Variants in MPRIP observed in about 807,000 individuals in gnomAD.
MPRIP encodes myosin phosphatase Rho-interacting protein.
MPRIP carries 59 observed loss-of-function variants against 234.9 expected under a neutral mutation model. The observed-to-expected ratio is 0.25, with a 90% CI of 0.20 to 0.31. The LOEUF (loss-of-function observed/expected upper bound fraction) is 0.31, where lower values mean the gene tolerates loss of function less well. MPRIP is among the 10% of genes least tolerant of loss of function. The probability of loss-of-function intolerance (pLI) is 1.00; values close to 1 mark genes in which losing one functional copy is unlikely to be tolerated. For missense variants in MPRIP, 2,436 were observed against 3,071.0 expected, an observed-to-expected ratio of 0.79 and a Z score of 4.89; for synonymous variants, 1,144 against 1,263.9, an observed-to-expected ratio of 0.91 and a Z score of 2.01.
intron 16 of MPRIP, chr17:17,169,248 G>T (rs967501186): frequency 1.7e-5 from 6 of 352,722 alleles, no homozygotes; most frequent in Non-Finnish European, 2.8e-5. Context: ...AAAGTTAATT[G>T]CACAAACCTT....
chr17:17,179,702 C>T (rs1010945617), intron 22 of MPRIP: 5 of 279,590 alleles, frequency 1.8e-5, no homozygotes, highest in Non-Finnish European at 3.4e-5. Flanking sequence ...AGGTCCCACA[C>T]CAGAGTGAGG....
At chr17:17,104,209 C>CTT (rs1179112814) in intron 3 of MPRIP, among the ~76,000 whole-genome samples, 1 of 152,198 alleles carries the variant, frequency 6.6e-6, no homozygotes, top group Non-Finnish European at 1.5e-5. Context: ...CCTAGAGAGT[C>CTT]TGAGTCGTCC....
intron 1 of MPRIP, among the ~76,000 whole-genome samples, chr17:17,071,505 C>G (rs540193296): frequency 6.6e-6 from 1 of 152,158 alleles, no homozygotes; most frequent in Non-Finnish European, 1.5e-5. Flanking sequence ...TTGTCTTATA[C>G]ATGATGGCCC....
chr17:17,181,514 T>A (rs746136348), intron 23 of MPRIP: 10 of 152,254 alleles, frequency 6.6e-5, no homozygotes, highest in Non-Finnish European at 1.0e-4. Flanking sequence ...AAGTCCCCTA[T>A]ACCCAAATAT....
chr17:17,113,014 C>A (rs1300938851), intron 3 of MPRIP, among the ~76,000 whole-genome samples: 2 of 152,240 alleles, frequency 1.3e-5, no homozygotes, highest in Non-Finnish European at 2.9e-5. Context: ...TGGGGTCTCA[C>A]TAGCTCCCAT....
intron 3 of MPRIP, among the ~76,000 whole-genome samples, chr17:17,106,445 A>T (rs1283150504): frequency 1.3e-5 from 2 of 152,154 alleles, no homozygotes; most frequent in African/African-American, 4.8e-5. Context: ...AGCCTCCACC[A>T]CTTCAGAGAG....
At chr17:17,173,052 A>G (rs184687854) in intron 18 of MPRIP, among the ~76,000 whole-genome samples, 1 of 152,368 alleles carries the variant, frequency 6.6e-6, no homozygotes, top group East Asian at 1.9e-4. Context: ...GTAACAAACG[A>G]AATCTTAAAC....
Position 17,164,864 on chromosome 17 carries a change from C to T in MPRIP, c.3273C>T (p.Ala1091=). The change falls in exon 16 of 24, where the codon GCC becomes GCT. Residue 1091 remains alanine, a synonymous_variant. Coordinates refer to ENST00000651222, the MANE Select transcript of MPRIP (RefSeq NM_001364716.4). The part of the protein sequence containing the change: ...QLEEQLEARE[A]SVRRLAEHVQ... ...AGGAGCAGCTGGAGGCACGAGAGGCCAGCGTGCGCAGGCTCGCAGAGCACG... is the reference window on the plus strand; with the variant it reads ...AGGAGCAGCTGGAGGCACGAGAGGCTAGCGTGCGCAGGCTCGCAGAGCACG... 3 of 1,304,000 alleles carry T rather than the reference C, an allele frequency of 2.3e-6. No individual in the cohort carries two copies. The highest frequency in any genetic ancestry group is 1.5e-5 in the African/African-American group (1 of 65,992). The allele number at this position is 1,304,000 out of a possible 1,614,324, so 80.8% of individuals were successfully genotyped here. A position where few individuals can be genotyped will look rare whatever the true frequency, so the allele number is the denominator to read the frequency against.
intron 12 of MPRIP, among the ~76,000 whole-genome samples, chr17:17,153,489 G>T (rs980906164): frequency 1.3e-5 from 2 of 151,836 alleles, no homozygotes; most frequent in African/African-American, 4.8e-5. Flanking sequence ...GCTCAGGGGC[G>T]CAGTGGTCAT....
In MPRIP at chr17:17,160,301, G is replaced by A. The variant is rs558642638; in HGVS notation, c.2401-939G>A. On this transcript the variant is annotated intron_variant, in intron 14 of 23. Transcript: ENST00000651222. ...GAATCACTTGAACCCAGGAGGCAGA[G>A]GTTGCAGTGACCTGAGATCGCACCA... 1.5e-4 allele frequency among the ~76,000 whole-genome samples: 23 copies of A among 152,316 alleles called. No homozygotes were observed. The East Asian group carries it at 3.1e-3, about 20-fold the overall frequency.
chr17:17,119,079 C>T (rs368581270), intron 3 of MPRIP, among the ~76,000 whole-genome samples: 252 of 152,328 alleles, frequency 1.7e-3, no homozygotes, highest in African/African-American at 6.0e-3. Context: ...TTGTGCCTCC[C>T]AGGATGTGGG....
At chr17:17,169,931 A>G (rs895541811) in intron 16 of MPRIP, among the ~76,000 whole-genome samples, 1 of 152,186 alleles carries the variant, frequency 6.6e-6, no homozygotes, top group East Asian at 1.9e-4. Context: ...CAAAGAAGCA[A>G]CTAGGTCTTT....
Position 17,077,797 on chromosome 17 carries a change from CAT to C in MPRIP, c.202-213_202-212del, listed in dbSNP as rs2089369595. The C allele has an allele frequency of 3.5e-5, 18 of 513,438 alleles. No homozygotes were observed. In the South Asian group the frequency reaches 4.0e-4, roughly 11 times the overall value. 31.8% of individuals were successfully genotyped at this position (513,438 alleles called of 1,614,324 possible). A position where few individuals can be genotyped will look rare whatever the true frequency, so the allele number is the denominator to read the frequency against. On this transcript the variant is annotated intron_variant, in intron 2 of 23. Transcript: ENST00000651222. ...GACTTCTTATTAAGCCTCAATCACTCATGTGATTTGGGCCTGTCTCCCAGCCC... is the reference window on the plus strand; with the variant it reads ...GACTTCTTATTAAGCCTCAATCACTCGTGATTTGGGCCTGTCTCCCAGCCC...
In MPRIP at chr17:17,166,857, C is replaced by G. The variant is rs1195706492; in HGVS notation, c.5266C>G (p.Arg1756Gly). ...GAGCCCCTTAGGAGAAGTCCTGGGC[C>G]GAGACTCAGACAGCTCTCAGGAGCC... ...DLSPLGEVLGRDSDSSQEPFD... is the reference protein window; with the variant it reads ...DLSPLGEVLGGDSDSSQEPFD... The change falls in exon 16 of 24, where the codon CGA (arginine) becomes GGA (glycine). Residue 1756 changes from arginine (R) to glycine (G), a missense_variant. By Grantham distance (125) the Arg-to-Gly change is moderately radical. This residue lies in a region of MPRIP where 1,998 missense variants were observed against 2,520.3 expected (regional missense o/e 0.79). Transcript: ENST00000651222. The surrounding 1 kb of genome is among the most constrained non-coding windows in gnomAD (Gnocchi z 4.4). The G allele has an allele frequency of 3.8e-6, 5 of 1,304,148 alleles. No individual in the cohort carries two copies. The highest frequency in any genetic ancestry group is 2.1e-4 in the Middle Eastern group (1 of 4,698). The allele number at this position is 1,304,148 out of a possible 1,614,324, so 80.8% of individuals were successfully genotyped here.
At chr17:17,117,087 T>C (rs1445406768) in intron 3 of MPRIP, among the ~76,000 whole-genome samples, 2 of 152,206 alleles carry the variant, frequency 1.3e-5, no homozygotes, top group Non-Finnish European at 2.9e-5. Context: ...GCCCTGCCTC[T>C]CTGCCACAGG....
At chr17:17,153,962 C>T (rs1376342300) in intron 12 of MPRIP, among the ~76,000 whole-genome samples, 2 of 152,188 alleles carry the variant, frequency 1.3e-5, no homozygotes, top group Non-Finnish European at 2.9e-5. Context: ...GCCCTTCCCC[C>T]GAGGCTGGGA....
At position 17,166,667 on chromosome 17, in the gene MPRIP, G is replaced by T. The variant is rs773960752; in HGVS notation, c.5076G>T (p.Glu1692Asp). The part of the protein sequence containing the change: ...SFHRRLQSIQ[E>D]TLRGTQTALR... ...ACCGCAGGCTACAGAGCATCCAGGAGACCCTGCGGGGCACCCAGACGGCCC... is the reference window on the plus strand; with the variant it reads ...ACCGCAGGCTACAGAGCATCCAGGATACCCTGCGGGGCACCCAGACGGCCC... Residue 1692 changes from glutamate to aspartate, a missense_variant, in exon 16 of 24, where the codon GAG (glutamate) becomes GAT (aspartate). Physicochemically the swap from Glu to Asp is conservative, Grantham distance 45 (BLOSUM62 2). Transcript: ENST00000651222. The surrounding 1 kb of genome is among the most constrained non-coding windows in gnomAD (Gnocchi z 4.4). The T allele has an allele frequency of 7.7e-7, 1 of 1,304,118 alleles. No individual in the cohort carries two copies. The highest frequency in any genetic ancestry group is 1.2e-5 in the South Asian group (1 of 81,034). 80.8% of individuals were successfully genotyped at this position (1,304,118 alleles called of 1,614,324 possible). A position where few individuals can be genotyped will look rare whatever the true frequency, so the allele number is the denominator to read the frequency against.
At chr17:17,135,467 GTC>G (rs1368349452) in intron 5 of MPRIP, among the ~76,000 whole-genome samples, 1 of 152,230 alleles carries the variant, frequency 6.6e-6, no homozygotes, top group Non-Finnish European at 1.5e-5. Flanking sequence ...GGTATTTGGT[GTC>G]TTTGTGTGTT....
intron 3 of MPRIP, among the ~76,000 whole-genome samples, chr17:17,087,613 C>T (rs1036153186): frequency 3.3e-5 from 5 of 152,210 alleles, no homozygotes; most frequent in African/African-American, 4.8e-5. Flanking sequence ...GTTCCTAACC[C>T]GAGGACACCT....
Sources: gnomAD v4.1 joint callset for allele counts (sites outside exome capture counted in the v4.1 genomes callset) on GRCh38, gnomAD v4.1.1 for gene constraint, gnomAD v4.1.1 regional missense constraint, Gnocchi (gnomAD v3.1) non-coding constraint, MANE v1.5 for transcripts, NCBI Gene and HGNC (gene_info 2026-07-23, HGNC 2026-07-21) for gene names.